The following KANK1 variants were observed in gnomAD, a reference collection of about 807,000 sequenced individuals.
KANK1 encodes KN motif and ankyrin repeat domains 1.
KANK1 carries 109 observed loss-of-function variants against 106.2 expected under a neutral mutation model. That is an observed-to-expected ratio of 1.03 (90% CI 0.88 to 1.20). The LOEUF is 1.20. KANK1 is among the 50% of genes most tolerant of loss of function. KANK1 has a pLI of 0.00. For synonymous variants in KANK1, 873 were observed against 652.2 expected (o/e 1.34, Z -5.16); for missense variants, 2,399 against 1,710.7 (o/e 1.40, Z -7.10).
intron 3 of KANK1, among the ~76,000 whole-genome samples, chr9:478,948 C>T (rs12554967): frequency 0.1 from 13,325 of 132,812 alleles, 792 homozygotes; most frequent in Middle Eastern, 0.17. Context: ...TTGAGAGTTT[C>T]GCTTTGTGGT....
chr9:515,773 T>G (rs1320753176), intron 1 of KANK1, among the ~76,000 whole-genome samples: 1 of 151,844 alleles, frequency 6.6e-6, no homozygotes, highest in Non-Finnish European at 1.5e-5. Context: ...GGGGAATTGT[T>G]AACGTAGGGA....
intron 2 of KANK1, among the ~76,000 whole-genome samples, chr9:685,310 T>A (rs998607144): frequency 3.9e-5 from 6 of 152,168 alleles, no homozygotes; most frequent in Admixed American, 3.3e-4. Context: ...ATTTTGAGAT[T>A]TAAAAATATA....
chr9:648,518 A>G (rs1840213305), intron 1 of KANK1, among the ~76,000 whole-genome samples: 1 of 152,164 alleles, frequency 6.6e-6, no homozygotes, highest in South Asian at 2.1e-4. Context: ...AATTAAAAAT[A>G]ATTTTGAACA....
At chr9:728,291 G>A (rs891869034) in intron 3 of KANK1, among the ~76,000 whole-genome samples, 19 of 150,690 alleles carry the variant, frequency 1.3e-4, no homozygotes, top group South Asian at 2.1e-4. Context: ...CTCCACCTCC[G>A]GGTTCGAGCC....
At chr9:527,442 C>T (rs139669049) in intron 1 of KANK1, among the ~76,000 whole-genome samples, 1 of 151,736 alleles carries the variant, frequency 6.6e-6, no homozygotes, top group African/African-American at 2.4e-5. Flanking sequence ...GCTGGGATTA[C>T]AGGCAGGCGC....
chr9:616,924 C>G (rs904455171), intron 1 of KANK1, among the ~76,000 whole-genome samples: 1 of 152,202 alleles, frequency 6.6e-6, no homozygotes, highest in Admixed American at 6.5e-5. Context: ...CACAATGCCA[C>G]ACCCGAGTTG....
Position 472,874 on chromosome 9 carries a change from A to G in KANK1, c.-441-320A>G, listed in dbSNP as rs193078009. Among the ~76,000 whole-genome samples the G allele has an allele frequency of 3.0e-3, 464 of 152,294 alleles. 3 individuals are homozygous for G. The South Asian group carries it at 0.036, about 12-fold the overall frequency. Reference sequence around the variant, plus strand: ...TATCTTGGATTTCTGGCCCCAATTCAGCCTCCTAATGGTCAGCATGAGAGC... The same window carrying G: ...TATCTTGGATTTCTGGCCCCAATTCGGCCTCCTAATGGTCAGCATGAGAGC... On this transcript the variant is annotated intron_variant, in intron 2 of 15. Transcript: ENST00000382303.
In KANK1 at chr9:712,366, G is replaced by A. The variant is rs112166059; in HGVS notation, c.1600G>A (p.Val534Met). 271 of 1,614,208 alleles carry A rather than the reference G, an allele frequency of 1.7e-4. No homozygotes were observed. In the African/African-American group the frequency reaches 3.1e-3, roughly 19 times the overall value. The change falls in exon 3 of 12, where the codon GTG becomes ATG. Residue 534 changes from valine to methionine, a missense_variant. Transcript: ENST00000382297. ...AATGGTCGGCAGTCACATGGACCTG[G>A]TGGACACGTGTGTTGGGACCTCCGT... is the stretch of plus-strand genomic sequence containing the variant. ...DQMVGSHMDL[V>M]DTCVGTSVET...
In KANK1 at chr9:731,137, A is replaced by G. The variant is rs775812373; in HGVS notation, c.2897-21A>G. On this transcript the variant is annotated intron_variant, in intron 4 of 11. Transcript: ENST00000382297. ...TGTATGGGTGTGAGTTTTCATTTTT[A>G]TTGCCTTGACTTTTTCACAGCATGT... 4.2e-6 allele frequency: 6 copies of G among 1,425,844 alleles called. No individual in the cohort carries two copies. In the East Asian group the frequency reaches 1.2e-4, roughly 27 times the overall value. 88.3% of individuals were successfully genotyped at this position (1,425,844 alleles called of 1,614,324 possible).
intron 1 of KANK1, among the ~76,000 whole-genome samples, chr9:547,145 G>A (rs148822243): frequency 2.6e-5 from 4 of 152,318 alleles, no homozygotes; most frequent in African/African-American, 4.8e-5. Flanking sequence ...ATTGCAGCAC[G>A]AGAGTCCCTT....
At chr9:520,814 C>T (rs1332549260) in intron 1 of KANK1, among the ~76,000 whole-genome samples, 1 of 151,612 alleles carries the variant, frequency 6.6e-6, no homozygotes, top group Non-Finnish European at 1.5e-5. Context: ...TAGTTGTTTC[C>T]CATGGCTCCA....
rs1285487914 is a variant in KANK1, at chr9:524,972, C to G, written c.-84+20218C>G. Among the ~76,000 whole-genome samples, 3 of 140,720 alleles carry G rather than the reference C, an allele frequency of 2.1e-5. No homozygotes were observed. The East Asian group carries it at 6.1e-4, about 28-fold the overall frequency. The allele number at this position is 140,720 out of a possible 152,430, so 92.3% of individuals were successfully genotyped here. On this transcript the variant is annotated intron_variant, in intron 1 of 11. Transcript: ENST00000382297. ...ATTGCTTTGGTTAGTCAATCCCAAA[C>G]TCTTGCTGCCTTTTTTTTTTTTTTT...
intron 1 of KANK1, among the ~76,000 whole-genome samples, chr9:617,095 G>C (rs183885427): frequency 2.8e-4 from 43 of 152,126 alleles, no homozygotes; most frequent in African/African-American, 9.9e-4. Context: ...GTAAGTGAAT[G>C]TTAGGTCAGT....
intron 7 of KANK1, among the ~76,000 whole-genome samples, chr9:736,080 C>T (rs1330845194): frequency 9.9e-5 from 15 of 152,136 alleles, no homozygotes; most frequent in Admixed American, 9.8e-4. Flanking sequence ...GCCTCACCCT[C>T]CCCAGTAGCT....
rs528297461 is a variant in KANK1, at chr9:620,323, C to G, written c.-83-56567C>G. Among the ~76,000 whole-genome samples the G allele has an allele frequency of 3.3e-5, 5 of 152,218 alleles. No homozygotes were observed. The East Asian group carries it at 9.6e-4, about 29-fold the overall frequency. ...GGACATTAACTCTTCAACGATCTGC[C>G]CCCTAAATAAAACCTGCTTTCTTGG... is the stretch of plus-strand genomic sequence containing the variant. On this transcript the variant is annotated intron_variant, in intron 1 of 11. Transcript: ENST00000382297.
chr9:606,292 C>G (rs1284254915), intron 1 of KANK1, among the ~76,000 whole-genome samples: 3 of 138,900 alleles, frequency 2.2e-5, no homozygotes, highest in Admixed American at 6.8e-5. Context: ...GGCGGTGGCT[C>G]ACACCTGAAA....
In KANK1 at chr9:730,010, T is replaced by G. The variant is rs149943828; in HGVS notation, c.2699-41T>G. On this transcript the variant is annotated intron_variant, in intron 3 of 11. Coordinates refer to ENST00000382297, the MANE Select transcript of KANK1 (RefSeq NM_015158.5). The stretch of plus-strand genomic sequence containing the variant: ...TTTTTGTTGAAGCCTGCTTTTTCAG[T>G]CCTAGCATCACACACTCTGTACCTT... 1.3e-5 allele frequency: 21 copies of G among 1,561,072 alleles called. No homozygotes were observed. In the African/African-American group the frequency reaches 2.5e-4, roughly 18 times the overall value.
At chr9:694,393 A>G (rs919703828) in intron 2 of KANK1, among the ~76,000 whole-genome samples, 1 of 152,236 alleles carries the variant, frequency 6.6e-6, no homozygotes. Context: ...TTTGGAAAAT[A>G]ACAGTCCAAG....
At chr9:744,670 G>C in intron 11 of KANK1, 81 bp downstream of exon 11, 5 of 1,611,542 alleles carry the variant, frequency 3.1e-6, no homozygotes, top group Non-Finnish European at 3.4e-6. Flanking sequence ...GAATTGACGG[G>C]AGACAGATTT....
Sources: gnomAD v4.1 joint callset for allele counts (sites outside exome capture counted in the v4.1 genomes callset) on GRCh38, gnomAD v4.1.1 for gene constraint, MANE v1.5 for transcripts, NCBI Gene and HGNC (gene_info 2026-07-23, HGNC 2026-07-21) for gene names.